Variants in NSUN6 observed in about 807,000 individuals in gnomAD.
The protein encoded by NSUN6 is tRNA (cytosine(72)-C(5))-methyltransferase NSUN6.
A neutral mutation model predicts 58.0 loss-of-function variants in NSUN6; 64 were observed. That is an observed-to-expected ratio of 1.10 (90% CI 0.90 to 1.36). NSUN6 has a LOEUF of 1.36. Ranked by LOEUF, NSUN6 falls within the 40% of genes most tolerant of loss-of-function variation. The probability of loss-of-function intolerance (pLI) is 0.00; values close to 1 mark genes in which losing one functional copy is unlikely to be tolerated. For missense variants in NSUN6, 701 were observed against 550.1 expected, an observed-to-expected ratio of 1.27 and a Z score of -2.74; for synonymous variants, 231 against 193.9, an observed-to-expected ratio of 1.19 and a Z score of -1.59.
intron 8 of NSUN6, among the ~76,000 whole-genome samples, chr10:18,571,707 C>T (rs2056375248): frequency 6.6e-6 from 1 of 151,382 alleles, no homozygotes. Context: ...TTCTCCATTC[C>T]ATTCCATTCT....
At chr10:18,596,701 G>A (rs557524302) in intron 6 of NSUN6, among the ~76,000 whole-genome samples, 1 of 152,216 alleles carries the variant, frequency 6.6e-6, no homozygotes, top group South Asian at 2.1e-4. Context: ...CTCTAAAATT[G>A]CAGGACCACT....
intron 5 of NSUN6, among the ~76,000 whole-genome samples, chr10:18,610,328 T>C (rs908326177): frequency 1.3e-5 from 2 of 151,878 alleles, no homozygotes; most frequent in Non-Finnish European, 2.9e-5. Flanking sequence ...AGCCTGGGCG[T>C]CAAGAGTGAA....
At chr10:18,652,427 AC>A (rs2131616580), upstream of NSUN6, 1 of 984,890 alleles carries the variant, frequency 1.0e-6, no homozygotes, top group Admixed American at 6.2e-5. Flanking sequence ...TTTAATTTTC[AC>A]ACCGAATTAT....
intron 3 of NSUN6, among the ~76,000 whole-genome samples, chr10:18,630,365 A>T (rs1483927995): frequency 3.3e-5 from 5 of 151,330 alleles, no homozygotes; most frequent in Admixed American, 6.6e-5. Flanking sequence ...AAGAGCAAAC[A>T]CATTCAAAAG....
At chr10:18,647,054 T>C (rs1215442817) in intron 2 of NSUN6, among the ~76,000 whole-genome samples, 1 of 152,210 alleles carries the variant, frequency 6.6e-6, no homozygotes, top group Non-Finnish European at 1.5e-5. Context: ...TTAATTATTA[T>C]ACTAAGGTTT....
At chr10:18,633,319 T>C (rs11015243) in intron 3 of NSUN6, among the ~76,000 whole-genome samples, 83,392 of 148,782 alleles carry the variant, frequency 0.56, 23,999 homozygotes, top group East Asian at 0.97. Context: ...TGCTAGATGA[T>C]GAGTTGGTGG....
intron 10 of NSUN6, among the ~76,000 whole-genome samples, chr10:18,546,524 C>A (rs528460141): frequency 1.3e-5 from 2 of 152,188 alleles, no homozygotes; most frequent in Non-Finnish European, 2.9e-5. Flanking sequence ...GCTTAAGTAA[C>A]GAAGGTGGTA....
intron 7 of NSUN6, among the ~76,000 whole-genome samples, chr10:18,595,430 C>T (rs1304818729): frequency 6.6e-6 from 1 of 152,164 alleles, no homozygotes; most frequent in Non-Finnish European, 1.5e-5. Context: ...TTCTCAAAGC[C>T]GATCATGATC....
chr10:18,590,479 A>T (rs1469972554), intron 7 of NSUN6, among the ~76,000 whole-genome samples: 4 of 152,228 alleles, frequency 2.6e-5, no homozygotes, highest in Non-Finnish European at 4.4e-5. Flanking sequence ...CATGGCACTT[A>T]TTCTAAACTC....
rs1564854149 is a variant in NSUN6, at chr10:18,651,255, T to G, written c.-52A>C. 1 of 1,480,560 alleles carries G rather than the reference T, an allele frequency of 6.8e-7. No individual in the cohort carries two copies. The allele number at this position is 1,480,560 out of a possible 1,614,324, so 91.7% of individuals were successfully genotyped here. A position where few individuals can be genotyped will look rare whatever the true frequency, so the allele number is the denominator to read the frequency against. On this transcript the variant is annotated 5_prime_UTR_variant, in exon 1 of 11. Coordinates refer to ENST00000377304, the MANE Select transcript of NSUN6 (RefSeq NM_182543.5). ...AGAGAAATGCTGGAAAACGGTGTTT[T>G]GTTTTTTTTTTTCTTTCCGAATTAA...
chr10:18,634,308 A>G lies in NSUN6; in HGVS notation c.311+8168T>C, dbSNP rs181323444. Among the ~76,000 whole-genome samples the G allele has an allele frequency of 1.4e-4, 21 of 152,358 alleles. No individual in the cohort carries two copies. The East Asian group carries it at 3.7e-3, about 27-fold the overall frequency. Reference sequence around the variant, plus strand: ...ATAAAACCTCTGAATAAAGATTTAGAAGCAGAGATAAGTAATACATCCCTA... The same window carrying G: ...ATAAAACCTCTGAATAAAGATTTAGGAGCAGAGATAAGTAATACATCCCTA... On this transcript the variant is annotated intron_variant, in intron 3 of 10. Transcript: ENST00000377304.
chr10:18,578,231 A>AT (rs71402184), intron 8 of NSUN6, among the ~76,000 whole-genome samples: 19,364 of 120,890 alleles, frequency 0.16, 1,906 homozygotes, highest in Middle Eastern at 0.23. Context: ...CTCTAAGCCT[A>AT]TTTTTTTTTT....
intron 6 of NSUN6, among the ~76,000 whole-genome samples, chr10:18,604,731 C>T (rs931100618): frequency 6.6e-6 from 1 of 151,674 alleles, no homozygotes; most frequent in African/African-American, 2.4e-5. Context: ...ACTAAAAATA[C>T]AAAAATTAAC....
chr10:18,625,720 TAAAAAAAAAAAAAA>T (rs71402188), intron 3 of NSUN6, among the ~76,000 whole-genome samples: 1 of 53,810 alleles, frequency 1.9e-5, no homozygotes, highest in Non-Finnish European at 3.4e-5. Context: ...GTTTTTTTTT[TAAAAAAAAAAAAAA>T]AAAAAAAAAA....
chr10:18,574,339 G>T (rs1055083217), intron 8 of NSUN6, among the ~76,000 whole-genome samples: 3 of 152,090 alleles, frequency 2.0e-5, no homozygotes, highest in African/African-American at 7.2e-5. Context: ...GAATCTTAAA[G>T]TATGAAGCCA....
intron 1 of NSUN6, 116 bp downstream of exon 1, chr10:18,651,013 A>T: frequency 8.4e-7 from 1 of 1,193,812 alleles, no homozygotes; most frequent in Non-Finnish European, 1.2e-6. Flanking sequence ...CTTGATAGAC[A>T]AGTAGTAAGG....
chr10:18,604,799 T>C (rs1031854750), intron 6 of NSUN6, among the ~76,000 whole-genome samples: 1 of 151,654 alleles, frequency 6.6e-6, no homozygotes, highest in Non-Finnish European at 1.5e-5. Flanking sequence ...GGCAGGAGAA[T>C]TGCTTAAACC....
chr10:18,599,891 T>C (rs577525459), intron 6 of NSUN6, among the ~76,000 whole-genome samples: 1 of 152,340 alleles, frequency 6.6e-6, no homozygotes, highest in African/African-American at 2.4e-5. Context: ...TTAGTTCAAC[T>C]GAAGGGCATC....
intron 2 of NSUN6, among the ~76,000 whole-genome samples, chr10:18,647,575 A>G (rs530517566): frequency 1.3e-5 from 2 of 152,298 alleles, no homozygotes; most frequent in Non-Finnish European, 2.9e-5. Flanking sequence ...GCCATTTTAT[A>G]ATATTGTTTT....
Sources: gnomAD v4.1 joint callset for allele counts (sites outside exome capture counted in the v4.1 genomes callset) on GRCh38, gnomAD v4.1.1 for gene constraint, MANE v1.5 for transcripts, NCBI Gene and HGNC (gene_info 2026-07-23, HGNC 2026-07-21) for gene names.